The following AFAP1L1 variants were observed in gnomAD, a reference collection of about 807,000 sequenced individuals.
The protein encoded by AFAP1L1 is actin filament-associated protein 1-like 1.
Under a neutral mutation model 99.8 loss-of-function variants are expected in AFAP1L1, and 77 were observed. That is an observed-to-expected ratio of 0.77 (90% confidence interval 0.64 to 0.93). The LOEUF (loss-of-function observed/expected upper bound fraction) is 0.93. Ranked by LOEUF, AFAP1L1 falls within the 40% of genes least tolerant of loss-of-function variation. The pLI is 0.00. For synonymous variants in AFAP1L1, 373 were observed against 395.3 expected (o/e 0.94, Z 0.67); for missense variants, 893 against 996.8 (o/e 0.90, Z 1.40).
At chr5:149,289,900 T>C (rs541359389) in intron 1 of AFAP1L1, among the ~76,000 whole-genome samples, 5 of 152,182 alleles carry the variant, frequency 3.3e-5, no homozygotes, top group Non-Finnish European at 7.3e-5. Context: ...CATCCTCAGT[T>C]TCCACATGTG....
Position 149,340,301 on chromosome 5 carries a change from G to A in AFAP1L1, c.*271G>A, listed in dbSNP as rs1013282385. Reference sequence around the variant, plus strand: ...TACAGAAGTCTGCACAGCTGTAAAGGTTTTATAGATGTCTTTGCCTTCCCT... The same window carrying A: ...TACAGAAGTCTGCACAGCTGTAAAGATTTTATAGATGTCTTTGCCTTCCCT... On this transcript the variant is annotated 3_prime_UTR_variant, in exon 19 of 19. Coordinates refer to ENST00000296721, the MANE Select transcript of AFAP1L1 (RefSeq NM_152406.4). 5.1e-6 allele frequency: 2 copies of A among 392,236 alleles called. No individual in the cohort carries two copies. The highest frequency in any genetic ancestry group is 4.0e-5 in the African/African-American group (2 of 50,398). 24.3% of individuals were successfully genotyped at this position (392,236 alleles called of 1,614,324 possible). A position where few individuals can be genotyped will look rare whatever the true frequency, so the allele number is the denominator to read the frequency against.
At chr5:149,312,043 G>A (rs1756645383) in intron 8 of AFAP1L1, 69 bp from the exon 9 acceptor site, 9 of 1,417,118 alleles carry the variant, frequency 6.4e-6, no homozygotes, top group Non-Finnish European at 8.9e-6. Context: ...TCACCACACA[G>A]TCCCCATTCT....
intron 15 of AFAP1L1, among the ~76,000 whole-genome samples, chr5:149,326,611 G>A (rs1032426901): frequency 4.8e-5 from 7 of 146,896 alleles, no homozygotes; most frequent in Non-Finnish European, 9.0e-5. Flanking sequence ...AAAATAAAAA[G>A]AGCCCTCCTA....
At chr5:149,311,111 T>A (rs1266240170) in intron 8 of AFAP1L1, among the ~76,000 whole-genome samples, 1 of 152,170 alleles carries the variant, frequency 6.6e-6, no homozygotes, top group Non-Finnish European at 1.5e-5. Flanking sequence ...TACTTCACTC[T>A]GACACCATCC....
In AFAP1L1 at chr5:149,342,075, C is replaced by T. The variant is rs1182273073; in HGVS notation, c.*2045C>T. Among the ~76,000 whole-genome samples, 1 of 152,228 alleles carries T rather than the reference C, an allele frequency of 6.6e-6. No individual in the cohort carries two copies. The highest frequency in any genetic ancestry group is 1.5e-5 in the Non-Finnish European group (1 of 68,040). On this transcript the variant is annotated 3_prime_UTR_variant, in exon 19 of 19. Transcript: ENST00000296721. Reference sequence around the variant, plus strand: ...ACTGTGTCAGCCATGGCCAGCTTCACAGGCATGCAACCTGTGCAGTCACAC... The same window carrying T: ...ACTGTGTCAGCCATGGCCAGCTTCATAGGCATGCAACCTGTGCAGTCACAC...
rs916161172 is a variant in AFAP1L1, at chr5:149,317,718, G to T, written c.1268-11G>T. 1 of 1,613,266 alleles carries T rather than the reference G, an allele frequency of 6.2e-7. No homozygotes were observed. Among genetic ancestry groups the T allele is most frequent in the Non-Finnish European group, 8.5e-7 (1 of 1,179,780 alleles). On this transcript the variant is annotated splice_polypyrimidine_tract_variant and intron_variant, in intron 11 of 18. Coordinates refer to ENST00000296721, the MANE Select transcript of AFAP1L1 (RefSeq NM_152406.4). ...CAGGCTATGGGAACCTCACACCATT[G>T]TCTCCTCCAGGCTACCTGAACGTGC...
intron 17 of AFAP1L1, 123 bp from the exon 18 acceptor site, chr5:149,335,469 CAG>C: frequency 7.7e-7 from 1 of 1,302,368 alleles, no homozygotes; most frequent in South Asian, 1.6e-5. Context: ...GCCTGGGTGA[CAG>C]AGACTCTGTC....
Position 149,293,262 on chromosome 5 carries a change from G to A in AFAP1L1, c.17-6247G>A, listed in dbSNP as rs1270918443. Among the ~76,000 whole-genome samples, 3 of 152,226 alleles carry A rather than the reference G, an allele frequency of 2.0e-5. No individual in the cohort carries two copies. The East Asian group carries it at 5.8e-4, about 29-fold the overall frequency. On this transcript the variant is annotated intron_variant, in intron 1 of 18. Transcript: ENST00000296721. ...GTGATCACCCCCACTGTTTGCAGAT[G>A]AAGAATCAGAAGCTTAGGAAAGTTT...
At chr5:149,315,987 C>T in intron 10 of AFAP1L1, 73 bp downstream of exon 10, 1 of 1,596,356 alleles carries the variant, frequency 6.3e-7, no homozygotes, top group Non-Finnish European at 8.6e-7. Context: ...CACACAGCGG[C>T]AGAGCAGGTT....
Position 149,318,404 on chromosome 5 carries a change from A to G in AFAP1L1, c.1479+464A>G, listed in dbSNP as rs189806787. Among the ~76,000 whole-genome samples, 391 of 152,184 alleles carry G rather than the reference A, an allele frequency of 2.6e-3. 1 individual carries two copies. Among genetic ancestry groups the G allele is most frequent in the Non-Finnish European group, 4.6e-3 (312 of 67,986 alleles). On this transcript the variant is annotated intron_variant, in intron 12 of 18. Transcript: ENST00000296721. Reference sequence around the variant, plus strand: ...ATCCCCTCTAAGACTTTTCACCAGTACCCTCCTCTGGTGGAGGAGAAGGTC... The same window carrying G: ...ATCCCCTCTAAGACTTTTCACCAGTGCCCTCCTCTGGTGGAGGAGAAGGTC...
At chr5:149,274,402 T>C (rs544005262) in intron 1 of AFAP1L1, among the ~76,000 whole-genome samples, 23 of 152,336 alleles carry the variant, frequency 1.5e-4, no homozygotes, top group African/African-American at 5.1e-4. Flanking sequence ...CTAAGTATAC[T>C]CAGATCAGTT....
At chr5:149,307,898 G>A (rs1035710471) in intron 7 of AFAP1L1, among the ~76,000 whole-genome samples, 7 of 142,702 alleles carry the variant, frequency 4.9e-5, no homozygotes, top group African/African-American at 1.8e-4. Context: ...GCTCACACCT[G>A]TAATCCCAGC....
chr5:149,279,276 G>C (rs1358292464), intron 1 of AFAP1L1, among the ~76,000 whole-genome samples: 1 of 152,232 alleles, frequency 6.6e-6, no homozygotes, highest in Non-Finnish European at 1.5e-5. Context: ...GCATACAAAT[G>C]AAAAGAACTG....
At chr5:149,285,357 T>TA (rs1755644398) in intron 1 of AFAP1L1, among the ~76,000 whole-genome samples, 1 of 152,272 alleles carries the variant, frequency 6.6e-6, no homozygotes, top group African/African-American at 2.4e-5. Context: ...AATGAACCCT[T>TA]ACAAGCATGA....
Position 149,329,681 on chromosome 5 carries a change from A to G in AFAP1L1, c.1826A>G (p.Lys609Arg). 6.2e-7 allele frequency: 1 copy of G among 1,613,652 alleles called. No homozygotes were observed. The highest frequency in any genetic ancestry group is 1.1e-5 in the South Asian group (1 of 90,964). ...KRHASSANQY[K>R]YGKNRAEEDA... ...ATCTCTGCAGGTGCCAATCAATACA[A>G]GTATGGCAAGAACCGAGCCGAGGAG... is the stretch of plus-strand genomic sequence containing the variant. The change falls in exon 16 of 19, where the codon AAG becomes AGG. Residue 609 changes from lysine (K) to arginine (R), a missense_variant. Lys to Arg is a conservative substitution (Grantham distance 26). Coordinates refer to ENST00000296721, the MANE Select transcript of AFAP1L1 (RefSeq NM_152406.4).
At chr5:149,319,792 C>T in intron 13 of AFAP1L1, 65 bp downstream of exon 13, 1 of 1,581,230 alleles carries the variant, frequency 6.3e-7, no homozygotes, top group Non-Finnish European at 8.6e-7. Context: ...CTCTCAGAGG[C>T]TGAGTCCAGC....
intron 1 of AFAP1L1, among the ~76,000 whole-genome samples, chr5:149,298,671 G>C (rs1375605464): frequency 6.6e-6 from 1 of 152,158 alleles, no homozygotes. Context: ...CTGGTCTTTG[G>C]CTCTAAGGCA....
At chr5:149,307,822 C>T (rs1256766012) in intron 7 of AFAP1L1, among the ~76,000 whole-genome samples, 1 of 114,324 alleles carries the variant, frequency 8.7e-6, no homozygotes, top group African/African-American at 3.3e-5. Flanking sequence ...CTCTCTTTCT[C>T]TCTCTCTCTC....
rs1216844549 is a variant in AFAP1L1, at chr5:149,301,134, C to T, written c.231C>T (p.Asp77=). The change falls in exon 4 of 19, where the codon GAC becomes GAT. Residue 77 remains aspartate, a splice_region_variant and synonymous_variant. Transcript: ENST00000296721. The part of the protein sequence containing the change: ...SFVESLFEEF[D]CDLSDLRDMP... ...GCCCAATGGCCTGTCCCTCTGTAGA[C>T]TGTGACCTGAGTGACCTTCGGGACA... is the stretch of plus-strand genomic sequence containing the variant. 2 of 1,613,798 alleles carry T rather than the reference C, an allele frequency of 1.2e-6. No homozygotes were observed. Among genetic ancestry groups the T allele is most frequent in the Non-Finnish European group, 1.7e-6 (2 of 1,179,836 alleles).
Sources: allele counts gnomAD v4.1 joint callset (sites outside exome capture counted in the v4.1 genomes callset), GRCh38; gene constraint gnomAD v4.1.1; transcripts MANE v1.5; gene names NCBI Gene and HGNC (gene_info 2026-07-23, HGNC 2026-07-21).